Variants in CELF4 observed in about 807,000 individuals in gnomAD.
CELF4 encodes CUG-BP- and ETR-3-like factor 4.
A neutral mutation model predicts 59.9 loss-of-function variants in CELF4; 18 were observed. That is an observed-to-expected ratio of 0.30 (90% CI 0.21 to 0.45). The LOEUF (loss-of-function observed/expected upper bound fraction) is 0.45. CELF4 is among the 20% of genes least tolerant of loss of function. The pLI is 1.00. For synonymous variants in CELF4, 261 were observed against 267.1 expected (o/e 0.98, Z 0.22); for missense variants, 456 against 689.0 (o/e 0.66, Z 3.79).
At chr18:37,261,674 G>A (rs1036748342) in intron 10 of CELF4, among the ~76,000 whole-genome samples, 4 of 152,234 alleles carry the variant, frequency 2.6e-5, no homozygotes, top group Admixed American at 1.3e-4. Flanking sequence ...ATGGTGAAGC[G>A]GAGCTGCAGA....
At chr18:37,394,879 A>C (rs2099221340) in intron 2 of CELF4, among the ~76,000 whole-genome samples, 3 of 149,520 alleles carry the variant, frequency 2.0e-5, no homozygotes, top group Admixed American at 1.3e-4. Context: ...CTCCAGCATC[A>C]CTCCCTCCCT....
intron 1 of CELF4, among the ~76,000 whole-genome samples, chr18:37,564,980 A>G (rs1217928563): frequency 2.0e-5 from 3 of 151,938 alleles, no homozygotes; most frequent in African/African-American, 4.8e-5. Context: ...TCGGCCGGCC[A>G]GGAGCCCGCG....
intron 1 of CELF4, among the ~76,000 whole-genome samples, chr18:37,494,694 A>G (rs2099922983): frequency 6.6e-6 from 1 of 152,168 alleles, no homozygotes; most frequent in South Asian, 2.1e-4. Context: ...AGATGTGGCC[A>G]CAGTGGGAGA....
chr18:37,366,750 G>C (rs764826309), intron 2 of CELF4, among the ~76,000 whole-genome samples: 1 of 152,098 alleles, frequency 6.6e-6, no homozygotes, highest in Non-Finnish European at 1.5e-5. Flanking sequence ...GCATCCTTGG[G>C]GTCACAGAAC....
intron 2 of CELF4, among the ~76,000 whole-genome samples, chr18:37,479,691 C>T (rs2099860968): frequency 6.6e-6 from 1 of 152,104 alleles, no homozygotes; most frequent in Non-Finnish European, 1.5e-5. Context: ...GGCCTTTATC[C>T]TCCCTACTGT....
intron 1 of CELF4, among the ~76,000 whole-genome samples, chr18:37,536,502 T>C (rs558256947): frequency 1.6e-4 from 25 of 152,374 alleles, no homozygotes; most frequent in Admixed American, 1.6e-3. Context: ...TACAGGTCTA[T>C]GCAGGGCACC....
intron 8 of CELF4, among the ~76,000 whole-genome samples, chr18:37,268,064 C>A (rs948156364): frequency 5.9e-5 from 9 of 152,052 alleles, no homozygotes; most frequent in African/African-American, 1.9e-4. Flanking sequence ...AGCACCTGGG[C>A]CTGAGGGGTG....
intron 2 of CELF4, among the ~76,000 whole-genome samples, chr18:37,435,645 A>T (rs959434639): frequency 5.3e-5 from 8 of 152,164 alleles, no homozygotes; most frequent in African/African-American, 1.9e-4. Flanking sequence ...GCAATGATTC[A>T]TCACTCAGGT....
At chr18:37,311,824 G>C (rs370181176) in intron 3 of CELF4, among the ~76,000 whole-genome samples, 1 of 142,574 alleles carries the variant, frequency 7.0e-6, no homozygotes, top group African/African-American at 2.6e-5. Flanking sequence ...AGAAGGAACA[G>C]GGATCGTCCG....
At chr18:37,534,975 A>G (rs2099972356) in intron 1 of CELF4, among the ~76,000 whole-genome samples, 1 of 152,212 alleles carries the variant, frequency 6.6e-6, no homozygotes, top group East Asian at 1.9e-4. Flanking sequence ...CTGAGGTGCC[A>G]TGTCCCAAAG....
At chr18:37,428,266 C>T (rs1030438588) in intron 2 of CELF4, among the ~76,000 whole-genome samples, 62 of 151,996 alleles carry the variant, frequency 4.1e-4, no homozygotes, top group African/African-American at 1.5e-3. Context: ...AAAGATTTGG[C>T]CAGTGGCTGA....
chr18:37,531,264 C>T (rs1331177302), intron 1 of CELF4, among the ~76,000 whole-genome samples: 1 of 152,200 alleles, frequency 6.6e-6, no homozygotes, highest in African/African-American at 2.4e-5. Context: ...AGCTACTCCT[C>T]ACTGAGCAGG....
intron 2 of CELF4, among the ~76,000 whole-genome samples, chr18:37,406,488 T>A (rs908212599): frequency 6.6e-6 from 1 of 152,100 alleles, no homozygotes; most frequent in African/African-American, 2.4e-5. Flanking sequence ...AGAGGGTGAA[T>A]GTGCTGCTGG....
At chr18:37,444,848 G>C (rs148437439) in intron 2 of CELF4, among the ~76,000 whole-genome samples, 84 of 152,248 alleles carry the variant, frequency 5.5e-4, no homozygotes, top group Middle Eastern at 6.8e-3. Flanking sequence ...GAGACACTAG[G>C]TATGGTCACC....
At chr18:37,500,752 T>C (rs921926161) in intron 1 of CELF4, among the ~76,000 whole-genome samples, 1 of 152,014 alleles carries the variant, frequency 6.6e-6, no homozygotes, top group African/African-American at 2.4e-5. Flanking sequence ...GCCAGGATGG[T>C]CTTGATCTGC....
At chr18:37,519,430 T>G (rs1455644603) in intron 1 of CELF4, among the ~76,000 whole-genome samples, 1 of 152,108 alleles carries the variant, frequency 6.6e-6, no homozygotes, top group Non-Finnish European at 1.5e-5. Flanking sequence ...CTCCCCCTTC[T>G]GCAGGTCATC....
At chr18:37,356,064 G>A (rs1422987777) in intron 2 of CELF4, among the ~76,000 whole-genome samples, 1 of 152,198 alleles carries the variant, frequency 6.6e-6, no homozygotes, top group African/African-American at 2.4e-5. Context: ...GGAAATGGTA[G>A]TATGGGTGCA....
At chr18:37,411,463 G>A (rs2099456598) in intron 2 of CELF4, among the ~76,000 whole-genome samples, 1 of 152,138 alleles carries the variant, frequency 6.6e-6, no homozygotes, top group South Asian at 2.1e-4. Flanking sequence ...GTATGTGTGT[G>A]TGCATGGCAA....
intron 11 of CELF4, among the ~76,000 whole-genome samples, chr18:37,255,100 T>A (rs533055574): frequency 6.6e-6 from 1 of 152,164 alleles, no homozygotes; most frequent in African/African-American, 2.4e-5. Context: ...TAAAAAGGAC[T>A]TAGATCCTGC....
Sources: allele counts gnomAD v4.1 joint callset (sites outside exome capture counted in the v4.1 genomes callset), GRCh38; gene constraint gnomAD v4.1.1; transcripts MANE v1.5; gene names NCBI Gene and HGNC (gene_info 2026-07-23, HGNC 2026-07-21).